The following GRIK3 variants were observed in gnomAD, a reference collection of about 807,000 sequenced individuals.
GRIK3 encodes glutamate receptor ionotropic, kainate 3.
GRIK3 carries 29 observed loss-of-function variants against 102.5 expected under a neutral mutation model. That is an observed-to-expected ratio of 0.28 (90% CI 0.21 to 0.39). The LOEUF is 0.39. Among genes scored for constraint, GRIK3 ranks in the 10% least tolerant of loss-of-function variants. GRIK3 has a pLI of 1.00. For missense variants in GRIK3, 908 were observed against 1,252.4 expected, an observed-to-expected ratio of 0.73 and a Z score of 4.15; for synonymous variants, 511 against 504.9, an observed-to-expected ratio of 1.01 and a Z score of -0.16.
At chr1:36,832,866 T>C (rs1640324603) in intron 10 of GRIK3, among the ~76,000 whole-genome samples, 1 of 152,228 alleles carries the variant, frequency 6.6e-6, no homozygotes, top group South Asian at 2.1e-4. Context: ...GGGCAGGGCC[T>C]GACCTAGCAC....
chr1:36,891,897 A>G (rs370534941), intron 1 of GRIK3, among the ~76,000 whole-genome samples: 37 of 152,378 alleles, frequency 2.4e-4, no homozygotes, highest in African/African-American at 7.2e-4. Flanking sequence ...GTGTTTCTTC[A>G]TATCAGTGAC....
intron 10 of GRIK3, among the ~76,000 whole-genome samples, chr1:36,837,708 C>T (rs917541121): frequency 1.3e-5 from 2 of 152,160 alleles, no homozygotes; most frequent in South Asian, 4.2e-4. Flanking sequence ...CTCTTTCCCC[C>T]TTCTCCAGCA....
chr1:37,026,518 T>G (rs1172728292), intron 1 of GRIK3, among the ~76,000 whole-genome samples: 1 of 152,198 alleles, frequency 6.6e-6, no homozygotes. Flanking sequence ...ACTCTCTTTT[T>G]TCTCCTAAAA....
In GRIK3 at chr1:37,030,934, G is replaced by C. The variant is rs760814927; in HGVS notation, c.115+3060C>G. Among the ~76,000 whole-genome samples, 98 of 152,200 alleles carry C rather than the reference G, an allele frequency of 6.4e-4. 1 individual carries two copies. The highest frequency in any genetic ancestry group is 6.8e-3 in the Middle Eastern group (2 of 294). On this transcript the variant is annotated intron_variant, in intron 1 of 15. Coordinates refer to ENST00000373091, the MANE Select transcript of GRIK3 (RefSeq NM_000831.4). ...TTGATGGAAATGGCCCAACAAACTG[G>C]TGGCAGATGCAGCAGAAAACCCAGA...
At chr1:36,862,395 G>C (rs913477893) in intron 5 of GRIK3, among the ~76,000 whole-genome samples, 1 of 152,152 alleles carries the variant, frequency 6.6e-6, no homozygotes, top group Non-Finnish European at 1.5e-5. Flanking sequence ...TATGTCCTCG[G>C]TGGGTGTCCA....
chr1:37,012,307 C>G (rs1414990136), intron 1 of GRIK3, among the ~76,000 whole-genome samples: 1 of 152,194 alleles, frequency 6.6e-6, no homozygotes, highest in East Asian at 1.9e-4. Flanking sequence ...CAGGGCCAGG[C>G]AGGATCACTG....
intron 1 of GRIK3, among the ~76,000 whole-genome samples, chr1:37,014,366 G>T (rs1642629686): frequency 6.6e-6 from 1 of 152,242 alleles, no homozygotes; most frequent in Admixed American, 6.5e-5. Context: ...AAAGGAGGAA[G>T]GGAGGGATAG....
chr1:36,970,527 C>T (rs544400351), intron 1 of GRIK3, among the ~76,000 whole-genome samples: 8 of 152,308 alleles, frequency 5.3e-5, no homozygotes, highest in African/African-American at 1.9e-4. Context: ...AAATTGTACT[C>T]AGTAAATATT....
intron 4 of GRIK3, among the ~76,000 whole-genome samples, chr1:36,871,916 G>A (rs981229078): frequency 6.6e-6 from 1 of 152,194 alleles, no homozygotes; most frequent in African/African-American, 2.4e-5. Context: ...ATGGAAACTC[G>A]TGTCTACTCA....
chr1:36,871,381 G>T (rs1640842186), intron 4 of GRIK3, among the ~76,000 whole-genome samples: 1 of 152,194 alleles, frequency 6.6e-6, no homozygotes, highest in Admixed American at 6.5e-5. Context: ...GTCTCCTCCT[G>T]CACCCCTTAA....
At chr1:36,919,335 T>A (rs1029591491) in intron 1 of GRIK3, among the ~76,000 whole-genome samples, 5 of 141,176 alleles carry the variant, frequency 3.5e-5, no homozygotes, top group Non-Finnish European at 3.0e-5. Flanking sequence ...TGGGCTTTTT[T>A]AAAATTTTAT....
intron 1 of GRIK3, among the ~76,000 whole-genome samples, chr1:36,908,121 C>G (rs1251109616): frequency 6.6e-6 from 1 of 152,226 alleles, no homozygotes; most frequent in African/African-American, 2.4e-5. Context: ...AGAGGCACAT[C>G]TCTGCCCAAC....
intron 13 of GRIK3, among the ~76,000 whole-genome samples, chr1:36,807,129 T>C (rs1642510146): frequency 6.6e-6 from 1 of 152,024 alleles, no homozygotes; most frequent in Non-Finnish European, 1.5e-5. Flanking sequence ...AGCCCAGGGC[T>C]GTAGGGTCCT....
At chr1:36,984,754 A>G (rs1175014079) in intron 1 of GRIK3, among the ~76,000 whole-genome samples, 1 of 152,170 alleles carries the variant, frequency 6.6e-6, no homozygotes, top group Non-Finnish European at 1.5e-5. Flanking sequence ...GGGTGCCCCC[A>G]CGCTGGGATC....
At chr1:36,951,496 C>A (rs921547791) in intron 1 of GRIK3, among the ~76,000 whole-genome samples, 3 of 152,212 alleles carry the variant, frequency 2.0e-5, no homozygotes, top group Admixed American at 6.5e-5. Context: ...TGGCCAGAGC[C>A]CAAGGCCCCC....
intron 2 of GRIK3, among the ~76,000 whole-genome samples, chr1:36,886,620 T>A (rs527321724): frequency 6.6e-5 from 10 of 152,286 alleles, no homozygotes; most frequent in African/African-American, 2.2e-4. Context: ...ACAGGGACAT[T>A]GAGGGTTGCA....
chr1:36,998,979 A>AGTGTGT (rs768062478), intron 1 of GRIK3, among the ~76,000 whole-genome samples: 190 of 128,296 alleles, frequency 1.5e-3, no homozygotes, highest in African/African-American at 5.2e-3. Flanking sequence ...GAACTTTGGA[A>AGTGTGT]GTGTGTGTGT....
intron 1 of GRIK3, 40 bp from the exon 2 acceptor site, chr1:36,891,136 G>C: frequency 6.6e-7 from 1 of 1,505,682 alleles, no homozygotes. Flanking sequence ...TTGGGAGGAG[G>C]GATGGGGCTC....
chr1:36,945,269 T>C (rs140383400), intron 1 of GRIK3, among the ~76,000 whole-genome samples: 174 of 152,364 alleles, frequency 1.1e-3, no homozygotes, highest in African/African-American at 4.1e-3. Flanking sequence ...CAGCAACTAG[T>C]TTCTGGACAA....
Sources: allele counts gnomAD v4.1 joint callset (sites outside exome capture counted in the v4.1 genomes callset), GRCh38; gene constraint gnomAD v4.1.1; transcripts MANE v1.5; gene names NCBI Gene and HGNC (gene_info 2026-07-23, HGNC 2026-07-21).